ZNF697: variants seen among roughly 807,000 people sequenced by gnomAD.
ZNF697 encodes the protein zinc finger protein 697.
ZNF697 carries 23 observed loss-of-function variants against 32.4 expected under a neutral mutation model. The ratio of observed to expected loss-of-function variants is 0.71; its 90% CI spans 0.51 to 1.01. The LOEUF (loss-of-function observed/expected upper bound fraction) is 1.01, where lower values mean the gene tolerates loss of function less well. ZNF697 is among the 50% of genes least tolerant of loss of function. The probability of loss-of-function intolerance (pLI) is 0.00; values close to 1 mark genes in which losing one functional copy is unlikely to be tolerated. For missense variants in ZNF697, 930 were observed against 794.0 expected, an observed-to-expected ratio of 1.17 and a Z score of -2.06; for synonymous variants, 418 against 337.2, an observed-to-expected ratio of 1.24 and a Z score of -2.62.
chr1:119,638,945 T>C (rs1186240405), intron 1 of ZNF697, among the ~76,000 whole-genome samples: 1 of 152,182 alleles, frequency 6.6e-6, no homozygotes, highest in Non-Finnish European at 1.5e-5. Context: ...GGGACAGCTA[T>C]TTCACCTCTT....
chr1:119,627,246 G>A (rs587688405), intron 1 of ZNF697, among the ~76,000 whole-genome samples: 1 of 152,308 alleles, frequency 6.6e-6, no homozygotes, highest in South Asian at 2.1e-4. Context: ...TGCTTGGCTG[G>A]GAGCTCTTCC....
At position 119,623,758 on chromosome 1, in the gene ZNF697, C is replaced by A; in HGVS notation, c.585G>T (p.Gly195=). The change falls in exon 3 of 3, where the codon GGG becomes GGT. Residue 195 remains glycine, a synonymous_variant. Transcript: ENST00000421812. Reference sequence around the variant, plus strand: ...AGGCGGCGCCAGGACTGAAGCTCTCCCCGCAGTCGGGGCAGATGGTGGGCG... The same window carrying A: ...AGGCGGCGCCAGGACTGAAGCTCTCACCGCAGTCGGGGCAGATGGTGGGCG... The part of the protein sequence containing the change: ...MDAPTICPDC[G]ESFSPGAAFL... 6.5e-7 allele frequency: 1 copy of A among 1,541,890 alleles called. No individual in the cohort carries two copies. Among genetic ancestry groups the A allele is most frequent in the South Asian group, 1.2e-5 (1 of 83,926 alleles).
intron 1 of ZNF697, among the ~76,000 whole-genome samples, chr1:119,647,043 A>G (rs1164816700): frequency 7.8e-6 from 1 of 127,884 alleles, no homozygotes; most frequent in South Asian, 2.8e-4. Flanking sequence ...CCCAGGGTTC[A>G]TGTAGTAAGG....
At chr1:119,634,974 A>G (rs1648880797) in intron 1 of ZNF697, among the ~76,000 whole-genome samples, 1 of 152,232 alleles carries the variant, frequency 6.6e-6, no homozygotes, top group Non-Finnish European at 1.5e-5. Context: ...TGATATGTCT[A>G]GAATTTGCTT....
intron 1 of ZNF697, among the ~76,000 whole-genome samples, chr1:119,634,053 G>T (rs1648855140): frequency 6.6e-6 from 1 of 152,228 alleles, no homozygotes; most frequent in South Asian, 2.1e-4. Context: ...TATGTGAGTT[G>T]TTAACAGACA....
Position 119,620,625 on chromosome 1 carries a change from G to A in ZNF697, c.*2080C>T, listed in dbSNP as rs10754415. Reference sequence around the variant, plus strand: ...GTATTACTCCTGACTAGAAGAAAATGAGAATTAATGTCTTTCAAAACTGTC... The same window carrying A: ...GTATTACTCCTGACTAGAAGAAAATAAGAATTAATGTCTTTCAAAACTGTC... On this transcript the variant is annotated 3_prime_UTR_variant, in exon 3 of 3. Coordinates refer to ENST00000421812, the MANE Select transcript of ZNF697 (RefSeq NM_001080470.2). 0.67 allele frequency: 102,333 copies of A among 151,980 alleles called. 35,198 individuals carry two copies. Among genetic ancestry groups the A allele is most frequent in the African/African-American group, 0.82 (34,014 of 41,302 alleles). The allele number at this position is 151,980 out of a possible 1,614,324, so 9.4% of individuals were successfully genotyped here.
chr1:119,626,240 G>A, intron 1 of ZNF697, 103 bp from the exon 2 acceptor site: 1 of 1,411,730 alleles, frequency 7.1e-7, no homozygotes, highest in Non-Finnish European at 9.4e-7. Context: ...GGAGTTCCAA[G>A]CCCCAGATGG....
intron 1 of ZNF697, among the ~76,000 whole-genome samples, chr1:119,641,402 A>C (rs1273336114): frequency 1.3e-5 from 2 of 152,208 alleles, no homozygotes; most frequent in East Asian, 3.8e-4. Flanking sequence ...AAAAATAACA[A>C]GAAAAAGAGT....
intron 1 of ZNF697, among the ~76,000 whole-genome samples, chr1:119,635,391 G>A (rs1648893452): frequency 6.6e-6 from 1 of 152,136 alleles, no homozygotes; most frequent in African/African-American, 2.4e-5. Flanking sequence ...TTAAAAATGA[G>A]ATAAAGGAAT....
rs1306100216 is a variant in ZNF697, at chr1:119,621,264, G to A, written c.*1441C>T. 2 of 152,392 alleles carry A rather than the reference G, an allele frequency of 1.3e-5. No homozygotes were observed. The highest frequency in any genetic ancestry group is 3.9e-4 in the East Asian group (2 of 5,186). 9.4% of individuals were successfully genotyped at this position (152,392 alleles called of 1,614,324 possible). A position where few individuals can be genotyped will look rare whatever the true frequency, so the allele number is the denominator to read the frequency against. On this transcript the variant is annotated 3_prime_UTR_variant, in exon 3 of 3. Coordinates refer to ENST00000421812, the MANE Select transcript of ZNF697 (RefSeq NM_001080470.2). ...AGCAGCTGAGCTGGAGAATGCAAAA[G>A]GTCAGGCTACAATTATTCACACTGT...
chr1:119,628,896 C>T (rs949949080), intron 1 of ZNF697, among the ~76,000 whole-genome samples: 3 of 152,176 alleles, frequency 2.0e-5, no homozygotes, highest in African/African-American at 7.2e-5. Context: ...CATGTATACA[C>T]AGATCAGAGA....
chr1:119,636,589 C>T lies in ZNF697; in HGVS notation c.-37-10452G>A, dbSNP rs372609935. On this transcript the variant is annotated intron_variant, in intron 1 of 2. Transcript: ENST00000421812. ...GTAAATTTCAAACACATATGGAGAG[C>T]GAGGGACCTAGCAAATGGAACCTGC... 6.2e-4 allele frequency among the ~76,000 whole-genome samples: 94 copies of T among 152,190 alleles called. 1 individual carries two copies. The South Asian group carries it at 0.018, about 30-fold the overall frequency.
At chr1:119,646,027 A>G (rs1157348491) in intron 1 of ZNF697, among the ~76,000 whole-genome samples, 6 of 152,014 alleles carry the variant, frequency 3.9e-5, no homozygotes, top group Non-Finnish European at 8.8e-5. Context: ...TTGGTGGGGG[A>G]GGGAGAGGAA....
At chr1:119,627,399 T>G (rs1648621060) in intron 1 of ZNF697, among the ~76,000 whole-genome samples, 1 of 152,206 alleles carries the variant, frequency 6.6e-6, no homozygotes, top group Non-Finnish European at 1.5e-5. Context: ...ATTAACCTCT[T>G]ACTGTTCCAG....
At chr1:119,632,867 G>A (rs587711527) in intron 1 of ZNF697, among the ~76,000 whole-genome samples, 8 of 152,236 alleles carry the variant, frequency 5.3e-5, no homozygotes, top group South Asian at 2.1e-4. Flanking sequence ...AGAATCTTCC[G>A]CGACATAAAT....
chr1:119,624,022 A>T lies in ZNF697; in HGVS notation c.321T>A (p.Ser107=). 1.9e-6 allele frequency: 3 copies of T among 1,613,266 alleles called. No individual in the cohort carries two copies. ...GGCTCCGGGATATGCTGTCAGACTC[A>T]GACAGTCCTGGGAACATCGCCATGT... ...VADMAMFPGL[S]ESDSISRSLR... Residue 107 remains serine (S), a synonymous_variant, in exon 3 of 3, where the codon TCT becomes TCA. Transcript: ENST00000421812.
intron 1 of ZNF697, among the ~76,000 whole-genome samples, chr1:119,640,309 C>T (rs1300766706): frequency 6.6e-6 from 1 of 152,094 alleles, no homozygotes; most frequent in Non-Finnish European, 1.5e-5. Context: ...CCTAAAAAGA[C>T]TAGGAAATCT....
Position 119,622,634 on chromosome 1 carries a change from C to G in ZNF697, c.*71G>C, listed in dbSNP as rs1396406715. ...CCTCCCGCCCCTTCCCCACTTCCTT[C>G]CCCTGGGTCAGTCCCAGGATATCTA... On this transcript the variant is annotated 3_prime_UTR_variant, in exon 3 of 3. Coordinates refer to ENST00000421812, the MANE Select transcript of ZNF697 (RefSeq NM_001080470.2). 7.0e-7 allele frequency: 1 copy of G among 1,436,964 alleles called. No homozygotes were observed. Among genetic ancestry groups the G allele is most frequent in the East Asian group, 2.5e-5 (1 of 39,916 alleles). The allele number at this position is 1,436,964 out of a possible 1,614,324, so 89.0% of individuals were successfully genotyped here. A position where few individuals can be genotyped will look rare whatever the true frequency, so the allele number is the denominator to read the frequency against.
intron 1 of ZNF697, among the ~76,000 whole-genome samples, chr1:119,628,042 A>G (rs1266627247): frequency 7.6e-6 from 1 of 132,214 alleles, no homozygotes; most frequent in East Asian, 2.6e-4. Context: ...CTAGTAGTGG[A>G]AAACAGTGCA....
Sources: gnomAD v4.1 joint callset for allele counts (sites outside exome capture counted in the v4.1 genomes callset) on GRCh38, gnomAD v4.1.1 for gene constraint, MANE v1.5 for transcripts, NCBI Gene and HGNC (gene_info 2026-07-23, HGNC 2026-07-21) for gene names.